The following EYS variants were observed in gnomAD, a reference collection of about 807,000 sequenced individuals.
EYS encodes the protein EGF-like photoreceptor maintenance factor, also known as protein eyes shut homolog.
In EYS, 250 loss-of-function variants were observed where a neutral mutation model predicts 282.1. The observed-to-expected ratio is 0.89, with a 90% confidence interval of 0.80 to 0.98. The LOEUF is 0.98. EYS is among the 50% of genes least tolerant of loss of function. The pLI is 0.00. For synonymous variants in EYS, 1,355 were observed against 1,282.9 expected, an observed-to-expected ratio of 1.06 and a Z score of -1.20; for missense variants, 4,016 against 3,709.0, an observed-to-expected ratio of 1.08 and a Z score of -2.15.
At chr6:64,647,389 A>G (rs1316918573) in intron 22 of EYS, among the ~76,000 whole-genome samples, 2 of 152,192 alleles carry the variant, frequency 1.3e-5, no homozygotes, top group Admixed American at 1.3e-4. Context: ...CTGAATTTCT[A>G]GAAGTTATTT....
At chr6:64,393,561 G>A (rs932833556) in intron 28 of EYS, among the ~76,000 whole-genome samples, 2 of 152,000 alleles carry the variant, frequency 1.3e-5, no homozygotes, top group African/African-American at 4.8e-5. Context: ...TGCAGAAAAG[G>A]CCTTTGACAA....
intron 28 of EYS, among the ~76,000 whole-genome samples, chr6:64,400,692 C>A (rs540489510): frequency 6.6e-6 from 1 of 152,206 alleles, no homozygotes; most frequent in South Asian, 2.1e-4. Flanking sequence ...GCTCACCATG[C>A]AGTGTAAATT....
intron 1 of EYS, among the ~76,000 whole-genome samples, chr6:65,682,299 G>A (rs932143612): frequency 6.6e-6 from 1 of 151,980 alleles, no homozygotes; most frequent in East Asian, 2.0e-4. Flanking sequence ...TAGCAAGTCT[G>A]TCCAATCTTA....
intron 35 of EYS, among the ~76,000 whole-genome samples, chr6:63,961,224 C>A (rs1400411086): frequency 6.6e-6 from 1 of 152,168 alleles, no homozygotes; most frequent in Non-Finnish European, 1.5e-5. Flanking sequence ...GCTAAGCCAT[C>A]ATATCCCCTG....
intron 22 of EYS, among the ~76,000 whole-genome samples, chr6:64,770,918 C>CT (rs1393973607): frequency 1.3e-5 from 2 of 151,824 alleles, no homozygotes; most frequent in South Asian, 4.2e-4. Context: ...GGAATAAATA[C>CT]TTTTTTGATC....
chr6:64,388,765 A>G lies in EYS; in HGVS notation c.6003T>C (p.His2001=), dbSNP rs1168554087. 3.6e-5 allele frequency: 55 copies of G among 1,545,546 alleles called. No individual in the cohort carries two copies. The highest frequency in any genetic ancestry group is 4.2e-5 in the Non-Finnish European group (48 of 1,143,950). The change falls in exon 29 of 43, where the codon CAT becomes CAC. Residue 2001 remains histidine (H), a synonymous_variant. Coordinates refer to ENST00000503581, the MANE Select transcript of EYS (RefSeq NM_001142800.2). ...ATTTTGGCAGGGGTTTTCCGAGTACATGATTGATAGATTCGCATATTTGTG... is the reference window on the plus strand; with the variant it reads ...ATTTTGGCAGGGGTTTTCCGAGTACGTGATTGATAGATTCGCATATTTGTG... ...RNTQICESIN[H]VLGKPLPKSG...
intron 28 of EYS, among the ~76,000 whole-genome samples, chr6:64,434,373 G>A (rs1289736230): frequency 6.6e-6 from 1 of 152,064 alleles, no homozygotes; most frequent in African/African-American, 2.4e-5. Context: ...TAGTAAAATA[G>A]GCATTATAAG....
Position 64,432,387 on chromosome 6 carries a change from A to G in EYS, c.5927+3787T>C, listed in dbSNP as rs562263225. On this transcript the variant is annotated intron_variant, in intron 28 of 42. Transcript: ENST00000503581. ...ATAGATTAGGAGGTCAGAAAAGCCT[A>G]ACTTAACTCTCTTTTAATCCCAAAT... 3.1e-4 allele frequency among the ~76,000 whole-genome samples: 47 copies of G among 152,088 alleles called. No individual in the cohort carries two copies. The East Asian group carries it at 8.9e-3, about 29-fold the overall frequency.
intron 36 of EYS, among the ~76,000 whole-genome samples, chr6:63,860,693 C>G (rs2149708059): frequency 6.6e-6 from 1 of 152,298 alleles, no homozygotes; most frequent in South Asian, 2.1e-4. Flanking sequence ...AGTAAACGAC[C>G]TGAATGCAAT....
At position 64,982,286 on chromosome 6, in the gene EYS, GA is replaced by G. The variant is rs949529375; in HGVS notation, c.2259+15295del. ...ATTACTGTAGTAGAATTAATTCAAA[GA>G]AAAAAAGGGAAGACAAAGCAAGTTT... On this transcript the variant is annotated intron_variant, in intron 14 of 42. Transcript: ENST00000503581. Among the ~76,000 whole-genome samples the G allele has an allele frequency of 2.7e-4, 41 of 150,942 alleles. 1 individual carries two copies. The highest frequency in any genetic ancestry group is 8.2e-4 in the African/African-American group (34 of 41,244).
At chr6:65,458,349 G>A (rs1367502450) in intron 5 of EYS, among the ~76,000 whole-genome samples, 1 of 151,986 alleles carries the variant, frequency 6.6e-6, no homozygotes, top group African/African-American at 2.4e-5. Flanking sequence ...ACTTGCTTGA[G>A]GACAGAAACT....
At chr6:63,911,088 G>C (rs1483169136) in intron 35 of EYS, among the ~76,000 whole-genome samples, 1 of 143,036 alleles carries the variant, frequency 7.0e-6, no homozygotes, top group Non-Finnish European at 1.5e-5. Flanking sequence ...TAGCAAAGCA[G>C]AAAATTATGA....
chr6:64,903,959 T>C (rs1329816067), intron 16 of EYS, among the ~76,000 whole-genome samples: 1 of 152,034 alleles, frequency 6.6e-6, no homozygotes, highest in Non-Finnish European at 1.5e-5. Flanking sequence ...AAAGTACAGA[T>C]ACAACAAATA....
chr6:65,065,495 G>A (rs1346283319), intron 12 of EYS, among the ~76,000 whole-genome samples: 1 of 150,604 alleles, frequency 6.6e-6, no homozygotes, highest in Non-Finnish European at 1.5e-5. Context: ...CCATTCTCCT[G>A]CCTCAGCCTC....
chr6:65,613,354 A>G (rs140974918), intron 2 of EYS, among the ~76,000 whole-genome samples: 39 of 151,952 alleles, frequency 2.6e-4, no homozygotes, highest in African/African-American at 7.0e-4. Context: ...CTTTCTATGA[A>G]TATTCTTCAA....
At position 65,440,618 on chromosome 6, in the gene EYS, C is replaced by T. The variant is rs1562183136; in HGVS notation, c.863-35251G>A. ...TTGCTTGTCTTTAATGAGTCTTCCC[C>T]ACATTTCCTCCATAAACATCCTCAT... is the stretch of plus-strand genomic sequence containing the variant. On this transcript the variant is annotated intron_variant, in intron 5 of 42. Transcript: ENST00000503581. Among the ~76,000 whole-genome samples the T allele has an allele frequency of 2.0e-5, 3 of 151,316 alleles. No individual in the cohort carries two copies. In the East Asian group the frequency reaches 5.8e-4, roughly 29 times the overall value.
At chr6:64,736,364 C>T (rs1338761066) in intron 22 of EYS, among the ~76,000 whole-genome samples, 1 of 151,992 alleles carries the variant, frequency 6.6e-6, no homozygotes, top group East Asian at 1.9e-4. Context: ...CTACTGACTT[C>T]CTAGAATATT....
At chr6:64,551,397 T>G (rs886504672) in intron 26 of EYS, among the ~76,000 whole-genome samples, 1 of 151,960 alleles carries the variant, frequency 6.6e-6, no homozygotes, top group African/African-American at 2.4e-5. Flanking sequence ...TTGTTGCACA[T>G]CTGATCACTT....
intron 35 of EYS, among the ~76,000 whole-genome samples, chr6:63,953,119 T>C (rs1394634498): frequency 2.0e-5 from 3 of 152,160 alleles, no homozygotes; most frequent in Non-Finnish European, 4.4e-5. Context: ...TATTCTGTTC[T>C]TGACATTAAA....
Sources: gnomAD v4.1 joint callset for allele counts (sites outside exome capture counted in the v4.1 genomes callset) on GRCh38, gnomAD v4.1.1 for gene constraint, MANE v1.5 for transcripts, NCBI Gene and HGNC (gene_info 2026-07-23, HGNC 2026-07-21) for gene names.